The following MROH2B variants were observed in gnomAD, a reference collection of about 807,000 sequenced individuals.
The protein encoded by MROH2B is maestro heat like repeat family member 2B.
In MROH2B, 177 loss-of-function variants were observed where a neutral mutation model predicts 208.6. That is an observed-to-expected ratio of 0.85 (90% CI 0.75 to 0.96). The LOEUF (loss-of-function observed/expected upper bound fraction) is 0.96, where lower values mean the gene tolerates loss of function less well. Among genes scored for constraint, MROH2B ranks in the 40% least tolerant of loss-of-function variants. MROH2B has a pLI of 0.00. For synonymous variants in MROH2B, 728 were observed against 659.0 expected, an observed-to-expected ratio of 1.10 and a Z score of -1.60; for missense variants, 2,002 against 1,878.7, an observed-to-expected ratio of 1.07 and a Z score of -1.21.
At position 41,065,582 on chromosome 5, in the gene MROH2B, C is replaced by G. The variant is rs148337308; in HGVS notation, c.202-92G>C. 2,420 of 995,530 alleles carry G rather than the reference C, an allele frequency of 2.4e-3. 74 individuals carry two copies. In the East Asian group the frequency reaches 0.058, roughly 24 times the overall value. 61.7% of individuals were successfully genotyped at this position (995,530 alleles called of 1,614,324 possible). A position where few individuals can be genotyped will look rare whatever the true frequency, so the allele number is the denominator to read the frequency against. On this transcript the variant is annotated intron_variant, in intron 3 of 41. Transcript: ENST00000399564. ...CTAGTCAGCATAATATTTATATATG[C>G]ATTTATTTATTTTTAAAATTATAGA...
At chr5:41,059,032 A>C (rs1466090284) in intron 6 of MROH2B, among the ~76,000 whole-genome samples, 2 of 137,298 alleles carry the variant, frequency 1.5e-5, no homozygotes, top group Non-Finnish European at 3.1e-5. Flanking sequence ...TGGGTGACAG[A>C]GTGAGACTCC....
Position 41,050,984 on chromosome 5 carries a change from A to T in MROH2B, c.1337T>A (p.Met446Lys). 3.2e-6 allele frequency: 5 copies of T among 1,571,856 alleles called. No homozygotes were observed. The highest frequency in any genetic ancestry group is 4.3e-6 in the Non-Finnish European group (5 of 1,162,480). Reference protein sequence around the residue: ...LKTLDPLVIGMPQVLWPRILT... With the variant: ...LKTLDPLVIGKPQVLWPRILT... ...TGACAAAAGACCACTTACCTGAGGC[A>T]TTCCAATGACCAGTGGGTCCAGGGT... The change falls in exon 13 of 42, where the codon ATG (methionine) becomes AAG (lysine). Residue 446 changes from methionine (M) to lysine (K), a missense_variant. Physicochemically the swap from Met to Lys is moderately conservative, Grantham distance 95. Transcript: ENST00000399564.
chr5:41,004,514 C>A lies in MROH2B; in HGVS notation c.4026G>T (p.Lys1342Asn), dbSNP rs765855870. 1 of 1,605,904 alleles carries A rather than the reference C, an allele frequency of 6.2e-7. No homozygotes were observed. The highest frequency in any genetic ancestry group is 1.7e-5 in the Admixed American group (1 of 57,742). The change falls in exon 37 of 42, where the codon AAG becomes AAT. Residue 1342 changes from lysine to asparagine, a missense_variant. Lys to Asn is a moderately conservative substitution (Grantham distance 94). Coordinates refer to ENST00000399564, the MANE Select transcript of MROH2B (RefSeq NM_173489.5). Reference protein sequence around the residue: ...SGAPHKVKKHKQLMLESIIRG... With the variant: ...SGAPHKVKKHNQLMLESIIRG... ...TGATGATAGATTCTAGCATTAACTG[C>A]TTATGTTTCTTCACCTATTTTGAAA...
At chr5:41,011,991 T>C (rs886292910) in intron 30 of MROH2B, among the ~76,000 whole-genome samples, 2 of 152,342 alleles carry the variant, frequency 1.3e-5, no homozygotes, top group East Asian at 3.9e-4. Context: ...TTATTAATGT[T>C]TGAATAACTT....
intron 3 of MROH2B, among the ~76,000 whole-genome samples, 180 bp from the exon 4 acceptor site, chr5:41,065,670 T>C (rs1743786931): frequency 6.6e-6 from 1 of 152,110 alleles, no homozygotes; most frequent in African/African-American, 2.4e-5. Context: ...GATTTGGGCT[T>C]CTAGTGAACC....
chr5:41,028,253 A>G (rs75474926), intron 24 of MROH2B, among the ~76,000 whole-genome samples: 6,174 of 152,252 alleles, frequency 0.041, 127 homozygotes, highest in African/African-American at 0.058. Context: ...ATCATCTCAC[A>G]TAGTTATCTG....
intron 19 of MROH2B, 28 bp from the exon 20 acceptor site, chr5:41,039,583 G>T: frequency 6.9e-7 from 1 of 1,440,238 alleles, no homozygotes; most frequent in Non-Finnish European, 9.5e-7. Context: ...ATGACATTTT[G>T]AGTTTAACCA....
At position 41,057,304 on chromosome 5, in the gene MROH2B, G is replaced by A. The variant is rs1213214666; in HGVS notation, c.813C>T (p.Ser271=). ...AATTGATAAAGATGGATCTTCTCAA[G>A]CTCCTTGGAAGGCCAATGTCATAAA... ...AVLYDIGLPR[S]LRRSIFINLL... The change falls in exon 8 of 42, where the codon AGC becomes AGT. Residue 271 remains serine, a synonymous_variant. Coordinates refer to ENST00000399564, the MANE Select transcript of MROH2B (RefSeq NM_173489.5). 1 of 1,595,652 alleles carries A rather than the reference G, an allele frequency of 6.3e-7. No individual in the cohort carries two copies. Among genetic ancestry groups the A allele is most frequent in the Non-Finnish European group, 8.5e-7 (1 of 1,170,410 alleles).
In MROH2B at chr5:41,007,467, GTCAGCATTACAAAA is replaced by G; in HGVS notation, c.3609-27_3609-14del. 6.5e-7 allele frequency: 1 copy of G among 1,547,070 alleles called. No homozygotes were observed. Among genetic ancestry groups the G allele is most frequent in the South Asian group, 1.3e-5 (1 of 79,074 alleles). Reference sequence around the variant, plus strand: ...AGCAGTTGAAAGCCTAAAGGAGACAGTCAGCATTACAAAACTAAGTTGACCCTTATAGGGAATTG... The same window carrying G: ...AGCAGTTGAAAGCCTAAAGGAGACAGCTAAGTTGACCCTTATAGGGAATTG... On this transcript the variant is annotated splice_polypyrimidine_tract_variant and intron_variant, in intron 33 of 41. Coordinates refer to ENST00000399564, the MANE Select transcript of MROH2B (RefSeq NM_173489.5).
chr5:41,045,558 T>C (rs918165032), intron 18 of MROH2B, among the ~76,000 whole-genome samples, 188 bp downstream of exon 18: 6 of 152,124 alleles, frequency 3.9e-5, no homozygotes, highest in Non-Finnish European at 7.3e-5. Flanking sequence ...ATGAGTAAAT[T>C]TGGGCTAAAA....
chr5:41,015,393 A>G lies in MROH2B; in HGVS notation c.2970T>C (p.Ser990=), dbSNP rs1741905545. Residue 990 remains serine (S), a synonymous_variant, in exon 29 of 42, where the codon TCT becomes TCC. Coordinates refer to ENST00000399564, the MANE Select transcript of MROH2B (RefSeq NM_173489.5). ...DDVQVQIKIS[S]KIAKIVSKFI... ...CCATATTTATTACCTTAGCTATTTT[A>G]GAAGAAATCTTGATCTGAACCTGCA... The G allele has an allele frequency of 1.2e-6, 2 of 1,613,262 alleles. No individual in the cohort carries two copies. Among genetic ancestry groups the G allele is most frequent in the Admixed American group, 3.3e-5 (2 of 59,890 alleles).
chr5:41,066,245 C>A (rs1158170894), intron 3 of MROH2B, among the ~76,000 whole-genome samples: 1 of 152,000 alleles, frequency 6.6e-6, no homozygotes, highest in Non-Finnish European at 1.5e-5. Flanking sequence ...TTGGTGATGG[C>A]GAACTAGGTA....
At chr5:41,070,368 A>C (rs181862695) in intron 1 of MROH2B, among the ~76,000 whole-genome samples, 102 of 152,308 alleles carry the variant, frequency 6.7e-4, no homozygotes, top group African/African-American at 2.4e-3. Context: ...AAAGGAATTG[A>C]GCAATTTCAA....
At chr5:41,005,883 T>C (rs1741571556) in intron 34 of MROH2B, among the ~76,000 whole-genome samples, 1 of 151,570 alleles carries the variant, frequency 6.6e-6, no homozygotes. Flanking sequence ...TACAAAAAAT[T>C]AGCCAGGCAT....
At chr5:41,007,769 G>T (rs1024271516) in intron 33 of MROH2B, among the ~76,000 whole-genome samples, 1 of 152,234 alleles carries the variant, frequency 6.6e-6, no homozygotes. Context: ...AAATCAGGAT[G>T]CATCTTGCAG....
chr5:41,041,685 C>T (rs1173734935), intron 19 of MROH2B, among the ~76,000 whole-genome samples: 1 of 152,090 alleles, frequency 6.6e-6, no homozygotes, highest in East Asian at 1.9e-4. Context: ...TATATATACT[C>T]TATAGCCACA....
At chr5:41,047,445 A>G (rs1743156011) in intron 17 of MROH2B, among the ~76,000 whole-genome samples, 1 of 152,256 alleles carries the variant, frequency 6.6e-6, no homozygotes, top group African/African-American at 2.4e-5. Context: ...CTTGAAAATT[A>G]GAGAAGATTT....
intron 33 of MROH2B, among the ~76,000 whole-genome samples, chr5:41,007,684 C>T (rs1050424589): frequency 6.6e-6 from 1 of 152,058 alleles, no homozygotes; most frequent in Non-Finnish European, 1.5e-5. Flanking sequence ...AACACTCCCC[C>T]CATAAGAAAA....
chr5:41,019,441 C>T (rs911201764), intron 24 of MROH2B, among the ~76,000 whole-genome samples: 1 of 152,150 alleles, frequency 6.6e-6, no homozygotes, highest in African/African-American at 2.4e-5. Context: ...TTATCAATTT[C>T]ACGTCTCTTT....
Sources: gnomAD v4.1 joint callset for allele counts (sites outside exome capture counted in the v4.1 genomes callset) on GRCh38, gnomAD v4.1.1 for gene constraint, MANE v1.5 for transcripts, NCBI Gene and HGNC (gene_info 2026-07-23, HGNC 2026-07-21) for gene names.